GRM5: variants seen among roughly 807,000 people sequenced by gnomAD.
GRM5 encodes the protein metabotropic glutamate receptor 5.
A neutral mutation model predicts 83.1 loss-of-function variants in GRM5; 19 were observed. The observed-to-expected ratio is 0.23, with a 90% CI of 0.16 to 0.34. GRM5 has a LOEUF of 0.34. Ranked by LOEUF, GRM5 falls within the 10% of genes least tolerant of loss-of-function variation. GRM5 has a pLI of 1.00. For synonymous variants in GRM5, 675 were observed against 633.6 expected, an observed-to-expected ratio of 1.07 and a Z score of -0.98; for missense variants, 1,160 against 1,588.3, an observed-to-expected ratio of 0.73 and a Z score of 4.58.
intron 2 of GRM5, among the ~76,000 whole-genome samples, chr11:88,914,774 C>T (rs1171639267): frequency 1.3e-5 from 2 of 152,134 alleles, no homozygotes; most frequent in Non-Finnish European, 2.9e-5. Flanking sequence ...AAATAATTTT[C>T]CTTTTTCTTA....
chr11:89,043,862 G>A, intron 2 of GRM5, among the ~76,000 whole-genome samples: 1 of 152,124 alleles, frequency 6.6e-6, no homozygotes, highest in Non-Finnish European at 1.5e-5. Context: ...GAAAACCTGG[G>A]TGCTCTCATA....
intron 3 of GRM5, among the ~76,000 whole-genome samples, chr11:88,689,475 C>A (rs1036510983): frequency 3.3e-5 from 5 of 152,176 alleles, no homozygotes; most frequent in African/African-American, 1.2e-4. Flanking sequence ...GTGAAAGGAA[C>A]AGTATAAATA....
At chr11:89,031,301 T>TA (rs1426575938) in intron 2 of GRM5, among the ~76,000 whole-genome samples, 1 of 151,956 alleles carries the variant, frequency 6.6e-6, no homozygotes, top group Non-Finnish European at 1.5e-5. Context: ...TAATAAATCT[T>TA]AAAAACTATT....
chr11:88,608,979 A>T (rs1010678557), intron 4 of GRM5, among the ~76,000 whole-genome samples: 1 of 152,122 alleles, frequency 6.6e-6, no homozygotes, highest in Non-Finnish European at 1.5e-5. Flanking sequence ...CACTAATACT[A>T]GTCCTAACCA....
At chr11:88,620,828 C>G (rs1296184096) in intron 4 of GRM5, among the ~76,000 whole-genome samples, 1 of 152,094 alleles carries the variant, frequency 6.6e-6, no homozygotes, top group East Asian at 1.9e-4. Context: ...TGCAGTGTCT[C>G]CAGTTTATTT....
intron 4 of GRM5, 143 bp downstream of exon 4, chr11:88,653,025 T>C: frequency 3.3e-6 from 2 of 607,840 alleles, no homozygotes; most frequent in Non-Finnish European, 5.9e-6. Flanking sequence ...AAAACCTGTT[T>C]ATCACCATAA....
intron 7 of GRM5, among the ~76,000 whole-genome samples, chr11:88,581,809 G>A (rs925206420): frequency 6.6e-6 from 1 of 152,134 alleles, no homozygotes; most frequent in Admixed American, 6.5e-5. Context: ...TGCTCTGAAT[G>A]TTATATTGGA....
intron 3 of GRM5, among the ~76,000 whole-genome samples, chr11:88,823,076 C>A (rs1157010661): frequency 5.9e-5 from 9 of 151,704 alleles, no homozygotes; most frequent in Non-Finnish European, 1.2e-4. Context: ...CAGAGCAGTT[C>A]TCCAGTTTTC....
intron 3 of GRM5, among the ~76,000 whole-genome samples, chr11:88,725,440 G>A (rs1941654358): frequency 6.6e-6 from 1 of 152,150 alleles, no homozygotes; most frequent in Non-Finnish European, 1.5e-5. Flanking sequence ...CTGGGCGAAG[G>A]GGTGACTGTG....
At chr11:88,657,284 T>G (rs1036864549) in intron 3 of GRM5, among the ~76,000 whole-genome samples, 1 of 152,212 alleles carries the variant, frequency 6.6e-6, no homozygotes, top group Non-Finnish European at 1.5e-5. Context: ...TTACTGTGAA[T>G]GATAAGAATT....
At chr11:88,580,088 T>C (rs965231401) in intron 7 of GRM5, among the ~76,000 whole-genome samples, 1 of 152,168 alleles carries the variant, frequency 6.6e-6, no homozygotes, top group African/African-American at 2.4e-5. Flanking sequence ...TCTTACCTAA[T>C]GAAAGAACGG....
At chr11:88,880,656 C>A (rs1187351804) in intron 2 of GRM5, among the ~76,000 whole-genome samples, 1 of 152,096 alleles carries the variant, frequency 6.6e-6, no homozygotes, top group Non-Finnish European at 1.5e-5. Flanking sequence ...CCCACAAAAC[C>A]ATTTGACTTA....
At chr11:88,925,704 G>C in intron 2 of GRM5, 1 of 452,700 alleles carries the variant, frequency 2.2e-6, no homozygotes, top group Non-Finnish European at 4.4e-6. Flanking sequence ...TTGAGGCCAA[G>C]AGTTGAAGAC....
chr11:88,508,498 G>T lies in GRM5; in HGVS notation c.*94C>A. The T allele has an allele frequency of 1.0e-6, 1 of 986,738 alleles. No individual in the cohort carries two copies. 61.1% of individuals were successfully genotyped at this position (986,738 alleles called of 1,614,324 possible). On this transcript the variant is annotated 3_prime_UTR_variant, in exon 10 of 10. Coordinates refer to ENST00000305447, the MANE Select transcript of GRM5 (RefSeq NM_001143831.3). The surrounding 1 kb of genome is among the most constrained non-coding windows in gnomAD (Gnocchi z 4.2). ...GGGTGCCCTTGGCATCTTCCCCCTG[G>T]GCCGTAACCAGGCGACTATGCTTGC...
At chr11:88,610,090 A>G (rs1938272279) in intron 4 of GRM5, among the ~76,000 whole-genome samples, 1 of 152,014 alleles carries the variant, frequency 6.6e-6, no homozygotes, top group South Asian at 2.1e-4. Flanking sequence ...TCACTGGCCT[A>G]TGTGTTTGTT....
At chr11:88,609,362 C>T (rs1333236222) in intron 4 of GRM5, among the ~76,000 whole-genome samples, 1 of 152,036 alleles carries the variant, frequency 6.6e-6, no homozygotes, top group Non-Finnish European at 1.5e-5. Flanking sequence ...TGTATATGTA[C>T]CATGGTGCAT....
intron 4 of GRM5, among the ~76,000 whole-genome samples, chr11:88,624,963 A>G (rs1250704338): frequency 6.6e-6 from 1 of 152,158 alleles, no homozygotes; most frequent in African/African-American, 2.4e-5. Context: ...ATTCTATAAA[A>G]CTATAGCCAC....
chr11:88,836,744 G>T (rs1944101609), intron 3 of GRM5, among the ~76,000 whole-genome samples: 1 of 152,086 alleles, frequency 6.6e-6, no homozygotes, highest in Non-Finnish European at 1.5e-5. Context: ...GCAGTGACTT[G>T]ACATACCGCC....
intron 2 of GRM5, among the ~76,000 whole-genome samples, chr11:88,853,409 T>C (rs1431781047): frequency 6.6e-6 from 1 of 151,958 alleles, no homozygotes; most frequent in Non-Finnish European, 1.5e-5. Context: ...TCACTCCCAA[T>C]TTGGAAGTCA....
Sources: gnomAD v4.1 joint callset for allele counts (sites outside exome capture counted in the v4.1 genomes callset) on GRCh38, gnomAD v4.1.1 for gene constraint, Gnocchi (gnomAD v3.1) non-coding constraint, MANE v1.5 for transcripts, NCBI Gene and HGNC (gene_info 2026-07-23, HGNC 2026-07-21) for gene names.